The following FRMD4B variants were observed in gnomAD, a reference collection of about 807,000 sequenced individuals.
FRMD4B encodes FERM domain-containing protein 4B.
In FRMD4B, 74 loss-of-function variants were observed where a neutral mutation model predicts 141.5. The observed-to-expected ratio is 0.52, with a 90% CI of 0.43 to 0.63. FRMD4B has a LOEUF of 0.63. Ranked by LOEUF, FRMD4B falls within the 30% of genes least tolerant of loss-of-function variation. FRMD4B has a pLI of 0.00. For synonymous variants in FRMD4B, 506 were observed against 467.9 expected (o/e 1.08, Z -1.05); for missense variants, 1,366 against 1,253.4 (o/e 1.09, Z -1.36).
chr3:69,529,416 A>G (rs1700981856), intron 1 of FRMD4B, among the ~76,000 whole-genome samples: 1 of 152,176 alleles, frequency 6.6e-6, no homozygotes, highest in African/African-American at 2.4e-5. Flanking sequence ...ATAGATAAGG[A>G]GACCAAGGCC....
chr3:69,193,636 C>A lies in FRMD4B; in HGVS notation c.1714+12G>T. 1 of 1,539,392 alleles carries A rather than the reference C, an allele frequency of 6.5e-7. No homozygotes were observed. The highest frequency in any genetic ancestry group is 8.9e-7 in the Non-Finnish European group (1 of 1,120,766). Reference sequence around the variant, plus strand: ...AGGGGACTCAAAAAAAAAAACCTTACTTATTACTAACCTGGTAACACTGTT... The same window carrying A: ...AGGGGACTCAAAAAAAAAAACCTTAATTATTACTAACCTGGTAACACTGTT... On this transcript the variant is annotated intron_variant, in intron 17 of 22. Coordinates refer to ENST00000398540, the MANE Select transcript of FRMD4B (RefSeq NM_015123.3).
intron 1 of FRMD4B, among the ~76,000 whole-genome samples, chr3:69,357,317 C>T (rs1009959981): frequency 3.9e-5 from 6 of 152,208 alleles, no homozygotes; most frequent in South Asian, 4.1e-4. Context: ...TGCCTTCTGC[C>T]GTGCAGCCAG....
intron 1 of FRMD4B, among the ~76,000 whole-genome samples, chr3:69,525,392 G>A (rs566251272): frequency 1.3e-5 from 2 of 152,250 alleles, no homozygotes; most frequent in Admixed American, 6.5e-5. Context: ...GGTGGTAGAT[G>A]TTTTGATGGT....
intron 1 of FRMD4B, among the ~76,000 whole-genome samples, chr3:69,502,300 A>G (rs1575593246): frequency 6.6e-6 from 1 of 152,358 alleles, no homozygotes; most frequent in East Asian, 1.9e-4. Flanking sequence ...GGCTACAGTA[A>G]CCAAAACAGC....
chr3:69,463,411 C>T (rs1705734122), intron 1 of FRMD4B, among the ~76,000 whole-genome samples: 1 of 152,178 alleles, frequency 6.6e-6, no homozygotes, highest in African/African-American at 2.4e-5. Context: ...ATACCATATA[C>T]CACTTCCAGG....
intron 1 of FRMD4B, among the ~76,000 whole-genome samples, chr3:69,346,616 G>T (rs1702952988): frequency 6.6e-6 from 1 of 152,192 alleles, no homozygotes; most frequent in South Asian, 2.1e-4. Context: ...AAGCCCATCA[G>T]ACTAATAGGG....
chr3:69,345,989 T>C (rs1331112142), intron 1 of FRMD4B, among the ~76,000 whole-genome samples: 1 of 152,090 alleles, frequency 6.6e-6, no homozygotes, highest in African/African-American at 2.4e-5. Context: ...AGAGAATGAC[T>C]TTGATGAGTT....
chr3:69,488,933 T>G (rs1706262770), intron 1 of FRMD4B, among the ~76,000 whole-genome samples: 1 of 145,876 alleles, frequency 6.9e-6, no homozygotes, highest in Non-Finnish European at 1.5e-5. Flanking sequence ...GATATAAAAC[T>G]CTTCAAAGAA....
intron 1 of FRMD4B, among the ~76,000 whole-genome samples, chr3:69,538,387 A>G (rs2107174715): frequency 6.6e-6 from 1 of 152,334 alleles, no homozygotes; most frequent in African/African-American, 2.4e-5. Context: ...GCAAAATAGC[A>G]CTAACAGACA....
chr3:69,301,381 A>G (rs1575707445), intron 4 of FRMD4B, among the ~76,000 whole-genome samples: 1 of 152,232 alleles, frequency 6.6e-6, no homozygotes, highest in South Asian at 2.1e-4. Context: ...GCTGGAGTGC[A>G]GTGGTACGAT....
chr3:69,389,718 G>C (rs1704340111), upstream of FRMD4B, among the ~76,000 whole-genome samples: 1 of 152,140 alleles, frequency 6.6e-6, no homozygotes, highest in African/African-American at 2.4e-5. Flanking sequence ...GGACTGCAGT[G>C]GGTGGCAACT....
intron 7 of FRMD4B, among the ~76,000 whole-genome samples, chr3:69,227,838 C>T (rs751707386): frequency 8.6e-5 from 13 of 151,528 alleles, no homozygotes; most frequent in Admixed American, 5.3e-4. Flanking sequence ...AGAGTGAACC[C>T]TAATTTGACT....
chr3:69,324,686 A>G (rs566210251), intron 1 of FRMD4B, among the ~76,000 whole-genome samples: 1 of 152,380 alleles, frequency 6.6e-6, no homozygotes, highest in South Asian at 2.1e-4. Context: ...TTAAACAAAT[A>G]TGATATTTTC....
chr3:69,384,488 A>G (rs886927571), intron 1 of FRMD4B, among the ~76,000 whole-genome samples: 10 of 152,020 alleles, frequency 6.6e-5, no homozygotes, highest in Admixed American at 5.9e-4. Flanking sequence ...CCAAGAGAGG[A>G]AAAAAAAGGC....
chr3:69,402,287 T>C (rs2106754878), intron 2 of FRMD4B, among the ~76,000 whole-genome samples: 1 of 152,322 alleles, frequency 6.6e-6, no homozygotes, highest in South Asian at 2.1e-4. Context: ...GGTTGAGCCA[T>C]CTTGTTGCCA....
At chr3:69,477,042 G>A (rs1440433253) in intron 1 of FRMD4B, among the ~76,000 whole-genome samples, 1 of 152,168 alleles carries the variant, frequency 6.6e-6, no homozygotes, top group South Asian at 2.1e-4. Flanking sequence ...TGTGATTTTT[G>A]TACATTGATT....
intron 1 of FRMD4B, among the ~76,000 whole-genome samples, chr3:69,505,448 A>G (rs1024920385): frequency 6.6e-6 from 1 of 152,166 alleles, no homozygotes; most frequent in African/African-American, 2.4e-5. Flanking sequence ...ATTCTTTACC[A>G]TTTTCAACTG....
chr3:69,240,061 C>T (rs2093370664), intron 7 of FRMD4B, among the ~76,000 whole-genome samples: 1 of 149,442 alleles, frequency 6.7e-6, no homozygotes, highest in South Asian at 2.1e-4. Context: ...CTCAAACACA[C>T]ACACACACAC....
chr3:69,496,634 AG>A (rs1430054483), intron 1 of FRMD4B, among the ~76,000 whole-genome samples: 21,189 of 107,180 alleles, frequency 0.2, 1,508 homozygotes, highest in African/African-American at 0.24. Context: ...AGAGAGAGAG[AG>A]AAAGAGAGAG....
Sources: allele counts gnomAD v4.1 joint callset (sites outside exome capture counted in the v4.1 genomes callset), GRCh38; gene constraint gnomAD v4.1.1; transcripts MANE v1.5; gene names NCBI Gene and HGNC (gene_info 2026-07-23, HGNC 2026-07-21).